Variants in EPB41L5 observed in about 807,000 individuals in gnomAD.
EPB41L5 encodes erythrocyte membrane protein band 4.1 like 5.
Under a neutral mutation model 106.6 loss-of-function variants are expected in EPB41L5, and 55 were observed. The observed-to-expected ratio is 0.52, with a 90% CI of 0.42 to 0.65. The LOEUF (loss-of-function observed/expected upper bound fraction) is 0.65. Among genes scored for constraint, EPB41L5 ranks in the 30% least tolerant of loss-of-function variants. EPB41L5 has a pLI of 0.00. For synonymous variants in EPB41L5, 297 were observed against 306.7 expected (o/e 0.97, Z 0.33); for missense variants, 871 against 882.1 (o/e 0.99, Z 0.16).
chr2:120,054,467 G>A, intron 3 of EPB41L5, among the ~76,000 whole-genome samples: 1 of 151,790 alleles, frequency 6.6e-6, no homozygotes, highest in East Asian at 1.9e-4. Flanking sequence ...CTATTCTGAG[G>A]TCATAAAGAT....
intron 2 of EPB41L5, among the ~76,000 whole-genome samples, chr2:120,029,241 T>G (rs982852861): frequency 1.3e-5 from 2 of 152,178 alleles, no homozygotes; most frequent in African/African-American, 4.8e-5. Context: ...CTTGGCTCAC[T>G]GCAACATCTG....
At chr2:120,087,599 C>T (rs780375906) in intron 11 of EPB41L5, among the ~76,000 whole-genome samples, 45 of 152,182 alleles carry the variant, frequency 3.0e-4, no homozygotes, top group Non-Finnish European at 4.3e-4. Flanking sequence ...CTCCTGCTCA[C>T]TCAGCCTCCT....
chr2:120,154,491 C>T (rs67563103), intron 20 of EPB41L5, among the ~76,000 whole-genome samples: 96,606 of 151,764 alleles, frequency 0.64, 32,086 homozygotes, highest in Middle Eastern at 0.74. Flanking sequence ...AAATTTATCC[C>T]TTAGTGGTTA....
intron 2 of EPB41L5, among the ~76,000 whole-genome samples, chr2:120,025,357 T>C (rs1325761143): frequency 6.6e-6 from 1 of 152,212 alleles, no homozygotes; most frequent in Non-Finnish European, 1.5e-5. Flanking sequence ...TTATTATTTT[T>C]CATTGTGTCT....
intron 20 of EPB41L5, among the ~76,000 whole-genome samples, chr2:120,149,892 CTTTTTTTTTTT>C (rs34014223): frequency 9.0e-6 from 1 of 110,928 alleles, no homozygotes; most frequent in African/African-American, 3.4e-5. Context: ...TTTCACTGTA[CTTTTTTTTTTT>C]TTTTTTTTTG....
intron 14 of EPB41L5, among the ~76,000 whole-genome samples, chr2:120,096,174 G>A (rs1683741908): frequency 6.6e-6 from 1 of 151,930 alleles, no homozygotes; most frequent in African/African-American, 2.4e-5. Flanking sequence ...AAAAGAAGTT[G>A]GTTATTTTTG....
At chr2:120,165,991 A>AAC (rs1687389241) in intron 22 of EPB41L5, among the ~76,000 whole-genome samples, 1 of 151,466 alleles carries the variant, frequency 6.6e-6, no homozygotes, top group Admixed American at 6.6e-5. Context: ...AAAAAAAAAA[A>AAC]AAACAGAAAT....
chr2:120,143,888 C>T (rs978085924), intron 19 of EPB41L5, among the ~76,000 whole-genome samples: 16 of 152,068 alleles, frequency 1.1e-4, no homozygotes, highest in African/African-American at 3.6e-4. Flanking sequence ...CACCTACTAG[C>T]TTTGTGACTT....
intron 2 of EPB41L5, among the ~76,000 whole-genome samples, chr2:120,038,771 T>C: frequency 6.6e-6 from 1 of 152,024 alleles, no homozygotes; most frequent in East Asian, 1.9e-4. Flanking sequence ...ATAAAAAATA[T>C]ATAAATAGTT....
chr2:120,065,490 T>C (rs1681382220), intron 3 of EPB41L5, among the ~76,000 whole-genome samples: 1 of 149,646 alleles, frequency 6.7e-6, no homozygotes, highest in Non-Finnish European at 1.5e-5. Context: ...AAGTTATAAC[T>C]GTCTAAGAAA....
chr2:120,149,736 C>T (rs1574760131), intron 20 of EPB41L5, among the ~76,000 whole-genome samples: 1 of 152,282 alleles, frequency 6.6e-6, no homozygotes, highest in African/African-American at 2.4e-5. Flanking sequence ...TTCAGTTACA[C>T]ATCTAGAGTA....
At chr2:120,027,663 C>A (rs530128564) in intron 2 of EPB41L5, among the ~76,000 whole-genome samples, 1 of 152,240 alleles carries the variant, frequency 6.6e-6, no homozygotes, top group East Asian at 1.9e-4. Context: ...TCACCTCAGC[C>A]TCCCAAGTAG....
At position 120,178,469 on chromosome 2, in the gene EPB41L5, G is replaced by C. The variant is rs144597573; in HGVS notation, c.*3562G>C. On this transcript the variant is annotated 3_prime_UTR_variant, in exon 25 of 25. Transcript: ENST00000263713. The stretch of plus-strand genomic sequence containing the variant: ...GTCTCAGCTCTGAGGGTCTTTGTGA[G>C]TTCCCACCAACTTTTAATTATTCAT... 30 of 152,252 alleles carry C rather than the reference G, an allele frequency of 2.0e-4. No individual in the cohort carries two copies. In the East Asian group the frequency reaches 5.6e-3, roughly 28 times the overall value. 9.4% of individuals were successfully genotyped at this position (152,252 alleles called of 1,614,324 possible).
intron 16 of EPB41L5, among the ~76,000 whole-genome samples, chr2:120,117,133 T>A (rs1486853765): frequency 6.6e-6 from 1 of 152,222 alleles, no homozygotes; most frequent in Non-Finnish European, 1.5e-5. Context: ...ACCACTTCTT[T>A]AGAAGTTCTT....
At chr2:120,129,845 A>T (rs149228097) in intron 17 of EPB41L5, among the ~76,000 whole-genome samples, 1 of 152,194 alleles carries the variant, frequency 6.6e-6, no homozygotes, top group African/African-American at 2.4e-5. Context: ...TTTATGCTGT[A>T]TAATAGAAAT....
intron 22 of EPB41L5, among the ~76,000 whole-genome samples, chr2:120,165,860 C>T (rs1195664962): frequency 2.0e-5 from 3 of 149,784 alleles, no homozygotes; most frequent in Middle Eastern, 6.8e-3. Flanking sequence ...GCCAGCTACT[C>T]GGGAGGCTGA....
chr2:120,106,210 G>C (rs895262619), intron 16 of EPB41L5: 1 of 985,238 alleles, frequency 1.0e-6, no homozygotes, highest in Non-Finnish European at 1.2e-6. Flanking sequence ...TTCCTGATGA[G>C]AGAAACTGGA....
At position 120,038,441 on chromosome 2, in the gene EPB41L5, T is replaced by A. The variant is rs528252238; in HGVS notation, c.181-3565T>A. On this transcript the variant is annotated intron_variant, in intron 2 of 24. Coordinates refer to ENST00000263713, the MANE Select transcript of EPB41L5 (RefSeq NM_020909.4). Reference sequence around the variant, plus strand: ...CACTTTCAGAGGGAATGTAAAATAGTGTTGCTGCTGTAGAAAACAGTTTGA... The same window carrying A: ...CACTTTCAGAGGGAATGTAAAATAGAGTTGCTGCTGTAGAAAACAGTTTGA... 2.0e-5 allele frequency among the ~76,000 whole-genome samples: 3 copies of A among 152,278 alleles called. No homozygotes were observed. The East Asian group carries it at 5.8e-4, about 29-fold the overall frequency.
Position 120,090,455 on chromosome 2 carries a change from C to G in EPB41L5, c.982C>G (p.Pro328Ala), listed in dbSNP as rs1574642849. 6.2e-7 allele frequency: 1 copy of G among 1,613,600 alleles called. No individual in the cohort carries two copies. The highest frequency in any genetic ancestry group is 1.1e-5 in the South Asian group (1 of 91,046). ...EHHAFFRLRGPVQKSSHRSGF... is the reference protein window; with the variant it reads ...EHHAFFRLRGAVQKSSHRSGF... ...TCATGCTTTCTTCCGCCTTCGAGGC[C>G]CCGTCCAAAAGAGTTCTCATCGATC... Residue 328 changes from proline (P) to alanine (A), a missense_variant, in exon 12 of 25, where the codon CCC becomes GCC. Physicochemically the swap from Pro to Ala is conservative, Grantham distance 27. Coordinates refer to ENST00000263713, the MANE Select transcript of EPB41L5 (RefSeq NM_020909.4).
Sources: allele counts gnomAD v4.1 joint callset (sites outside exome capture counted in the v4.1 genomes callset), GRCh38; gene constraint gnomAD v4.1.1; transcripts MANE v1.5; gene names NCBI Gene and HGNC (gene_info 2026-07-23, HGNC 2026-07-21).